BBS9: variants seen among roughly 807,000 people sequenced by gnomAD.
BBS9 encodes protein PTHB1.
Under a neutral mutation model 117.7 loss-of-function variants are expected in BBS9, and 89 were observed. That is an observed-to-expected ratio of 0.76 (90% CI 0.64 to 0.90). The LOEUF is 0.90. Ranked by LOEUF, BBS9 falls within the 40% of genes least tolerant of loss-of-function variation. The pLI is 0.00. For missense variants in BBS9, 982 were observed against 1,042.2 expected, an observed-to-expected ratio of 0.94 and a Z score of 0.80; for synonymous variants, 379 against 370.9, an observed-to-expected ratio of 1.02 and a Z score of -0.25.
chr7:33,391,715 G>A (rs755404990), intron 19 of BBS9, among the ~76,000 whole-genome samples: 3 of 151,822 alleles, frequency 2.0e-5, no homozygotes, highest in Non-Finnish European at 4.4e-5. Flanking sequence ...GTTCATCTTT[G>A]TCTTACCATT....
intron 18 of BBS9, among the ~76,000 whole-genome samples, chr7:33,385,977 G>A (rs1475057618): frequency 6.6e-6 from 1 of 152,130 alleles, no homozygotes; most frequent in Non-Finnish European, 1.5e-5. Flanking sequence ...ACCGGGGCCT[G>A]TTGTGGGGTG....
chr7:33,346,164 G>C (rs1369059157), intron 12 of BBS9: 2 of 424,800 alleles, frequency 4.7e-6, no homozygotes, highest in African/African-American at 2.1e-5. Context: ...TCCTGATCCT[G>C]TCTGACAGTT....
chr7:33,329,892 G>C (rs767486165), intron 9 of BBS9, among the ~76,000 whole-genome samples: 4 of 151,826 alleles, frequency 2.6e-5, no homozygotes, highest in African/African-American at 7.3e-5. Context: ...TTTATTTATT[G>C]ACTGTATTAT....
rs191040829 is a variant in BBS9, at chr7:33,496,937, C to G, written c.2116-8526C>G. Among the ~76,000 whole-genome samples, 41 of 152,252 alleles carry G rather than the reference C, an allele frequency of 2.7e-4. 1 individual carries two copies. Among genetic ancestry groups the G allele is most frequent in the African/African-American group, 8.7e-4 (36 of 41,542 alleles). Reference sequence around the variant, plus strand: ...CATTTCATCCAAAGTAAAAGCTTAGCCCTGGTAAAATCTTTTCTTTTTTCC... The same window carrying G: ...CATTTCATCCAAAGTAAAAGCTTAGGCCTGGTAAAATCTTTTCTTTTTTCC... On this transcript the variant is annotated intron_variant, in intron 19 of 22. Coordinates refer to ENST00000242067, the MANE Select transcript of BBS9 (RefSeq NM_198428.3).
At position 33,451,749 on chromosome 7, in the gene BBS9, A is replaced by G. The variant is rs1422161985; in HGVS notation, c.2116-53714A>G. 2.0e-5 allele frequency among the ~76,000 whole-genome samples: 3 copies of G among 152,058 alleles called. No homozygotes were observed. In the South Asian group the frequency reaches 6.2e-4, roughly 32 times the overall value. Reference sequence around the variant, plus strand: ...ACATGCCATTGGGATTTTGATAGGGATTTTAGTAACTCTGAGATTGCTTTT... The same window carrying G: ...ACATGCCATTGGGATTTTGATAGGGGTTTTAGTAACTCTGAGATTGCTTTT... On this transcript the variant is annotated intron_variant, in intron 19 of 22. Transcript: ENST00000242067.
chr7:33,566,995 A>G (rs932550488), intron 21 of BBS9, among the ~76,000 whole-genome samples: 2 of 152,190 alleles, frequency 1.3e-5, no homozygotes, highest in Non-Finnish European at 2.9e-5. Flanking sequence ...TCAGTGGGGT[A>G]ATGAGACCAA....
chr7:33,199,595 T>G lies in BBS9; in HGVS notation c.442+22004T>G, dbSNP rs564671704. On this transcript the variant is annotated intron_variant, in intron 5 of 22. Transcript: ENST00000242067. ...TTGGCTTTTCAGCAATCTATTTTTT[T>G]TTTAATGTTATACTTACTCAGTCTC... Among the ~76,000 whole-genome samples, 37 of 152,020 alleles carry G rather than the reference T, an allele frequency of 2.4e-4. 1 individual carries two copies. Among genetic ancestry groups the G allele is most frequent in the African/African-American group, 8.2e-4 (34 of 41,540 alleles).
chr7:33,150,023 C>T (rs1793052046), intron 2 of BBS9, among the ~76,000 whole-genome samples: 1 of 152,202 alleles, frequency 6.6e-6, no homozygotes, highest in Non-Finnish European at 1.5e-5. Flanking sequence ...TCTTCTCCAA[C>T]CCTTCTGGAC....
At chr7:33,374,445 A>AGT (rs1297330875) in intron 17 of BBS9, among the ~76,000 whole-genome samples, 1 of 151,530 alleles carries the variant, frequency 6.6e-6, no homozygotes, top group African/African-American at 2.4e-5. Context: ...GTGATTCAGC[A>AGT]ATATATTACT....
At chr7:33,301,285 A>T (rs909671413) in intron 9 of BBS9, among the ~76,000 whole-genome samples, 1 of 152,062 alleles carries the variant, frequency 6.6e-6, no homozygotes, top group East Asian at 1.9e-4. Flanking sequence ...TAATATAAGC[A>T]TATTCTTAAT....
intron 21 of BBS9, 163 bp downstream of exon 21, chr7:33,534,339 TA>T (rs1851042388): frequency 1.4e-6 from 1 of 733,870 alleles, no homozygotes; most frequent in Admixed American, 2.1e-5. Context: ...ACCCCTTGAA[TA>T]AATATCCCTG....
intron 9 of BBS9, among the ~76,000 whole-genome samples, chr7:33,290,265 G>A (rs190558017): frequency 6.6e-6 from 1 of 152,110 alleles, no homozygotes. Context: ...TTAGCAACGT[G>A]CATGCCATGT....
In BBS9 at chr7:33,181,642, T is replaced by C. The variant is rs61290178; in HGVS notation, c.442+4051T>C. 3.1e-3 allele frequency among the ~76,000 whole-genome samples: 470 copies of C among 152,370 alleles called. 1 individual carries two copies. The highest frequency in any genetic ancestry group is 0.011 in the African/African-American group (448 of 41,584). ...GCTCTAAGAAAAGCCTGTTGTGCTTTTATTCCAATGTTCAATTTATGGAAA... is the reference window on the plus strand; with the variant it reads ...GCTCTAAGAAAAGCCTGTTGTGCTTCTATTCCAATGTTCAATTTATGGAAA... On this transcript the variant is annotated intron_variant, in intron 5 of 22. Coordinates refer to ENST00000242067, the MANE Select transcript of BBS9 (RefSeq NM_198428.3).
chr7:33,365,303 G>A (rs769043010), intron 16 of BBS9, among the ~76,000 whole-genome samples: 14 of 152,030 alleles, frequency 9.2e-5, no homozygotes, highest in Non-Finnish European at 1.9e-4. Flanking sequence ...TTCCAACTTC[G>A]TGTGCTGATT....
chr7:33,429,300 C>T (rs1834092706), intron 19 of BBS9, among the ~76,000 whole-genome samples: 1 of 151,176 alleles, frequency 6.6e-6, no homozygotes, highest in Non-Finnish European at 1.5e-5. Context: ...AAAAAAAATT[C>T]AGCCAGAAGT....
At chr7:33,625,676 G>A (rs1456629057) in intron 21 of BBS9, among the ~76,000 whole-genome samples, 1 of 152,142 alleles carries the variant, frequency 6.6e-6, no homozygotes, top group Non-Finnish European at 1.5e-5. Flanking sequence ...ACCTTACCAT[G>A]ATTTTTATGT....
chr7:33,500,862 C>A (rs965198968), intron 19 of BBS9, among the ~76,000 whole-genome samples: 1 of 152,188 alleles, frequency 6.6e-6, no homozygotes, highest in Non-Finnish European at 1.5e-5. Flanking sequence ...CGTTTTCCTG[C>A]AAGCAGCTCC....
At chr7:33,490,810 T>C (rs995509677) in intron 19 of BBS9, among the ~76,000 whole-genome samples, 10 of 152,240 alleles carry the variant, frequency 6.6e-5, no homozygotes, top group African/African-American at 2.4e-4. Context: ...GTCATAAGCA[T>C]AATTAATCTG....
At chr7:33,323,407 G>A (rs1812132677) in intron 9 of BBS9, among the ~76,000 whole-genome samples, 1 of 151,980 alleles carries the variant, frequency 6.6e-6, no homozygotes, top group Admixed American at 6.6e-5. Context: ...CATTTATTTG[G>A]ATGCTACAGT....
Sources: allele counts gnomAD v4.1 joint callset (sites outside exome capture counted in the v4.1 genomes callset), GRCh38; gene constraint gnomAD v4.1.1; transcripts MANE v1.5; gene names NCBI Gene and HGNC (gene_info 2026-07-23, HGNC 2026-07-21).